Variants in SCUBE3 observed in about 807,000 individuals in gnomAD.
The protein encoded by SCUBE3 is signal peptide, CUB domain and EGF like domain containing 3.
Under a neutral mutation model 116.8 loss-of-function variants are expected in SCUBE3, and 33 were observed. The observed-to-expected ratio is 0.28, with a 90% confidence interval of 0.21 to 0.38. The LOEUF (loss-of-function observed/expected upper bound fraction) is 0.38, where lower values mean the gene tolerates loss of function less well. Ranked by LOEUF, SCUBE3 falls within the 10% of genes least tolerant of loss-of-function variation. The pLI is 1.00. For synonymous variants in SCUBE3, 418 were observed against 496.9 expected, an observed-to-expected ratio of 0.84 and a Z score of 2.11; for missense variants, 1,007 against 1,324.8, an observed-to-expected ratio of 0.76 and a Z score of 3.72.
In SCUBE3 at chr6:35,239,325, C is replaced by T. The variant is rs958285440; in HGVS notation, c.830-427C>T. Among the ~76,000 whole-genome samples, 1 of 152,166 alleles carries T rather than the reference C, an allele frequency of 6.6e-6. No individual in the cohort carries two copies. The highest frequency in any genetic ancestry group is 2.4e-5 in the African/African-American group (1 of 41,436). On this transcript the variant is annotated intron_variant, in intron 7 of 21. Transcript: ENST00000274938. The surrounding 1 kb of genome is among the most constrained non-coding windows in gnomAD (Gnocchi z 4.1). ...CCACCTCTCCTTGCCCCGCACCCCCCCAACCCCCCGTCCTGAGGGACAGGA... is the reference window on the plus strand; with the variant it reads ...CCACCTCTCCTTGCCCCGCACCCCCTCAACCCCCCGTCCTGAGGGACAGGA...
At position 35,233,174 on chromosome 6, in the gene SCUBE3, T is replaced by G. The variant is rs1783619709; in HGVS notation, c.596-11T>G. Reference sequence around the variant, plus strand: ...AGCAAGCTGACAGGGCCCTGTCCTCTCTGTGCACAGTGACATGCAACTATG... The same window carrying G: ...AGCAAGCTGACAGGGCCCTGTCCTCGCTGTGCACAGTGACATGCAACTATG... On this transcript the variant is annotated splice_polypyrimidine_tract_variant and intron_variant, in intron 5 of 21. Coordinates refer to ENST00000274938, the MANE Select transcript of SCUBE3 (RefSeq NM_152753.4). This position sits in a 1 kb window ranked among gnomAD's most constrained non-coding sequence, Gnocchi z 5.7. 8 of 1,597,044 alleles carry G rather than the reference T, an allele frequency of 5.0e-6. No homozygotes were observed. The highest frequency in any genetic ancestry group is 6.9e-6 in the Non-Finnish European group (8 of 1,164,696).
chr6:35,231,628 T>G lies in SCUBE3; in HGVS notation c.335-97T>G. The G allele has an allele frequency of 9.6e-7, 1 of 1,042,762 alleles. No individual in the cohort carries two copies. Among genetic ancestry groups the G allele is most frequent in the Non-Finnish European group, 1.4e-6 (1 of 737,976 alleles). 64.6% of individuals were successfully genotyped at this position (1,042,762 alleles called of 1,614,324 possible). The stretch of plus-strand genomic sequence containing the variant: ...CTGGCTTAAGGCTGGGCTTAGGGGG[T>G]AGTAGTTCTTAAGACTGCCTTTGGT... On this transcript the variant is annotated intron_variant, in intron 3 of 21. Coordinates refer to ENST00000274938, the MANE Select transcript of SCUBE3 (RefSeq NM_152753.4). The surrounding 1 kb of genome is among the most constrained non-coding windows in gnomAD (Gnocchi z 4.2).
intron 1 of SCUBE3, among the ~76,000 whole-genome samples, chr6:35,215,941 G>A (rs1782873444): frequency 6.6e-6 from 1 of 152,198 alleles, no homozygotes; most frequent in African/African-American, 2.4e-5. Context: ...GTGGATTTGT[G>A]TTTTCATAAA....
In SCUBE3 at chr6:35,219,168, T is replaced by C. The variant is rs148849879; in HGVS notation, c.85+4665T>C. 2.4e-3 allele frequency among the ~76,000 whole-genome samples: 366 copies of C among 152,336 alleles called. 4 individuals carry two copies. Among genetic ancestry groups the C allele is most frequent in the African/African-American group, 8.3e-3 (345 of 41,574 alleles). The stretch of plus-strand genomic sequence containing the variant: ...GGAACCCCAAGTAGCTGATAGTTCT[T>C]ACTGTGTCCATGAAGTGGGTATTTA... On this transcript the variant is annotated intron_variant, in intron 1 of 21. Transcript: ENST00000274938. This position sits in a 1 kb window ranked among gnomAD's most constrained non-coding sequence, Gnocchi z 4.7.
chr6:35,248,978 A>T lies in SCUBE3; in HGVS notation c.*273A>T. On this transcript the variant is annotated 3_prime_UTR_variant, in exon 22 of 22. Transcript: ENST00000274938. Reference sequence around the variant, plus strand: ...TCTAGTCCCCGTGAGATGTAAAGAAACAGTACAGCCCCTTCCACTGCCCAT... The same window carrying T: ...TCTAGTCCCCGTGAGATGTAAAGAATCAGTACAGCCCCTTCCACTGCCCAT... The T allele has an allele frequency of 6.7e-6, 3 of 445,552 alleles. No homozygotes were observed. Among genetic ancestry groups the T allele is most frequent in the Non-Finnish European group, 8.0e-6 (2 of 248,508 alleles). 27.6% of individuals were successfully genotyped at this position (445,552 alleles called of 1,614,324 possible).
rs1784324749 is a variant in SCUBE3 at position 35,246,080 on chromosome 6, CTA to C, written c.2738_2739del (p.Tyr913CysfsTer4). Reference protein sequence around the residue: ...ANSARGFQIPYVTYDEDYEQL... With the variant: ...ANSARGFQIPXVTYDEDYEQL... The stretch of plus-strand genomic sequence containing the variant: ...ACAGCGCCCGTGGCTTCCAGATTCC[CTA>C]TGTTACCTATGATGGTAAGCCAAGG... On this transcript the variant is annotated frameshift_variant, in exon 20 of 22. Coordinates refer to ENST00000274938, the MANE Select transcript of SCUBE3 (RefSeq NM_152753.4). LOFTEE classifies it high-confidence loss of function. 1 of 1,613,992 alleles carries C rather than the reference CTA, an allele frequency of 6.2e-7. No individual in the cohort carries two copies. Among genetic ancestry groups the C allele is most frequent in the African/African-American group, 1.3e-5 (1 of 74,876 alleles).
chr6:35,241,808 T>G lies in SCUBE3; in HGVS notation c.1315T>G (p.Ser439Ala), dbSNP rs765194881. 1 of 1,612,490 alleles carries G rather than the reference T, an allele frequency of 6.2e-7. No homozygotes were observed. The highest frequency in any genetic ancestry group is 8.5e-7 in the Non-Finnish European group (1 of 1,178,898). Reference sequence around the variant, plus strand: ...CTGTGACAGGCTCCTTTTCTCAGAGTCTGAGAATGGCTTCACGGTGAGCTG... The same window carrying G: ...CTGTGACAGGCTCCTTTTCTCAGAGGCTGAGAATGGCTTCACGGTGAGCTG... ...CPSRARFLPE[S>A]ENGFTVSCGT... The change falls in exon 12 of 22, where the codon TCT (serine) becomes GCT (alanine). Residue 439 changes from serine (S) to alanine (A), a missense_variant and splice_region_variant. Physicochemically the swap from Ser to Ala is moderately conservative, Grantham distance 99. Around this residue, in one of 5 missense-constraint regions of SCUBE3, gnomAD observed 544 missense variants for 638.9 expected, o/e 0.85. Transcript: ENST00000274938. The surrounding 1 kb of genome is among the most constrained non-coding windows in gnomAD (Gnocchi z 4.1).
chr6:35,235,592 C>T lies in SCUBE3; in HGVS notation c.712+2291C>T. On this transcript the variant is annotated intron_variant, in intron 6 of 21. Transcript: ENST00000274938. This position sits in a 1 kb window ranked among gnomAD's most constrained non-coding sequence, Gnocchi z 4.5. ...TAACTGCATGCCCACTGGGCCCAGC[C>T]TGACTGGGCCCCAACTTGCCAGCAG... 1.7e-6 allele frequency: 1 copy of T among 604,658 alleles called. No homozygotes were observed. Among genetic ancestry groups the T allele is most frequent in the Non-Finnish European group, 2.7e-6 (1 of 373,540 alleles). 37.5% of individuals were successfully genotyped at this position (604,658 alleles called of 1,614,324 possible).
At chr6:35,227,412 T>C (rs1783372151) in intron 1 of SCUBE3, among the ~76,000 whole-genome samples, 168 bp from the exon 2 acceptor site, 1 of 152,188 alleles carries the variant, frequency 6.6e-6, no homozygotes, top group Non-Finnish European at 1.5e-5. Flanking sequence ...CCAAAATCAG[T>C]GTCTGCCTAC....
intron 21 of SCUBE3, among the ~76,000 whole-genome samples, chr6:35,247,005 G>A (rs757735954): frequency 4.0e-5 from 6 of 151,726 alleles, no homozygotes; most frequent in Non-Finnish European, 2.9e-5. Flanking sequence ...AAAAAGCAGC[G>A]GCAGATCTAG....
Position 35,249,591 on chromosome 6 carries a change from C to T in SCUBE3, c.*886C>T, listed in dbSNP as rs1324083441. The T allele has an allele frequency of 6.6e-6, 1 of 152,400 alleles. No homozygotes were observed. Among genetic ancestry groups the T allele is most frequent in the Non-Finnish European group, 1.5e-5 (1 of 68,160 alleles). 9.4% of individuals were successfully genotyped at this position (152,400 alleles called of 1,614,324 possible). A position where few individuals can be genotyped will look rare whatever the true frequency, so the allele number is the denominator to read the frequency against. On this transcript the variant is annotated 3_prime_UTR_variant, in exon 22 of 22. Transcript: ENST00000274938. ...AACACTAATCCCTTTTCTTGTCTTCCCTGGCCCAGCCACCTCCTCAGCCCC... is the reference window on the plus strand; with the variant it reads ...AACACTAATCCCTTTTCTTGTCTTCTCTGGCCCAGCCACCTCCTCAGCCCC...
rs1207874120 is a variant in SCUBE3, at chr6:35,231,733, G to C, written c.343G>C (p.Glu115Gln). The C allele has an allele frequency of 6.2e-7, 1 of 1,611,476 alleles. No homozygotes were observed. Among genetic ancestry groups the C allele is most frequent in the Admixed American group, 1.7e-5 (1 of 59,960 alleles). The change falls in exon 4 of 22, where the codon GAG becomes CAG. Residue 115 changes from glutamate (E) to glutamine (Q), a missense_variant. This residue lies in a region of SCUBE3 where 37 missense variants were observed against 80.6 expected (regional missense o/e 0.46). Transcript: ENST00000274938. This position sits in a 1 kb window ranked among gnomAD's most constrained non-coding sequence, Gnocchi z 4.2. ...CTACCTATCCTGCACAGATGTGGACGAGTGTGCCGAGGGCAACGGCGGCTG... is the reference window on the plus strand; with the variant it reads ...CTACCTATCCTGCACAGATGTGGACCAGTGTGCCGAGGGCAACGGCGGCTG... ...HDGHNCLDVDECAEGNGGCQQ... is the reference protein window; with the variant it reads ...HDGHNCLDVDQCAEGNGGCQQ...
chr6:35,245,514 T>C lies in SCUBE3; in HGVS notation c.2599+89T>C. On this transcript the variant is annotated intron_variant, in intron 19 of 21. Coordinates refer to ENST00000274938, the MANE Select transcript of SCUBE3 (RefSeq NM_152753.4). This position sits in a 1 kb window ranked among gnomAD's most constrained non-coding sequence, Gnocchi z 4.2. Reference sequence around the variant, plus strand: ...AGAGAGAGACTGATACAGGAAGAAATGGGGCAGTGAAGTTAGGGATCTATG... The same window carrying C: ...AGAGAGAGACTGATACAGGAAGAAACGGGGCAGTGAAGTTAGGGATCTATG... 1 of 1,116,564 alleles carries C rather than the reference T, an allele frequency of 9.0e-7. No homozygotes were observed. Among genetic ancestry groups the C allele is most frequent in the Non-Finnish European group, 1.4e-6 (1 of 738,992 alleles). The allele number at this position is 1,116,564 out of a possible 1,614,324, so 69.2% of individuals were successfully genotyped here.
In SCUBE3 at chr6:35,244,803, A is replaced by C; in HGVS notation, c.2393A>C (p.Gln798Pro). 1.2e-6 allele frequency: 2 copies of C among 1,614,180 alleles called. No individual in the cohort carries two copies. The highest frequency in any genetic ancestry group is 1.7e-6 in the Non-Finnish European group (2 of 1,180,006). Reference protein sequence around the residue: ...TDFDGSTSVAQCKNRQCGGEL... With the variant: ...TDFDGSTSVAPCKNRQCGGEL... ...TTTGATGGCTCTACCAGTGTGGCCC[A>C]ATGCAAGAGTACGTGGCAAGCCAGG... Residue 798 changes from glutamine (Q) to proline (P), a missense_variant, in exon 18 of 22, where the codon CAA (glutamine) becomes CCA (proline). Transcript: ENST00000274938. This position sits in a 1 kb window ranked among gnomAD's most constrained non-coding sequence, Gnocchi z 4.3.
rs1468219215 is a variant in SCUBE3, at chr6:35,217,761, C to T, written c.85+3258C>T. ...TGGGCAGCCGGCTATTGCCTGTGCC[C>T]TGTCCAGGCCACACTGGAGAGAGGG... is the stretch of plus-strand genomic sequence containing the variant. On this transcript the variant is annotated intron_variant, in intron 1 of 21. Coordinates refer to ENST00000274938, the MANE Select transcript of SCUBE3 (RefSeq NM_152753.4). Among the ~76,000 whole-genome samples the T allele has an allele frequency of 3.9e-5, 6 of 152,298 alleles. No individual in the cohort carries two copies. The East Asian group carries it at 1.2e-3, about 30-fold the overall frequency.
In SCUBE3 at chr6:35,252,626, A is replaced by G. The variant is rs1784592620; in HGVS notation, c.*3921A>G. 6.6e-6 allele frequency: 1 copy of G among 152,248 alleles called. No homozygotes were observed. The highest frequency in any genetic ancestry group is 1.5e-5 in the Non-Finnish European group (1 of 68,040). The allele number at this position is 152,248 out of a possible 1,614,324, so 9.4% of individuals were successfully genotyped here. A position where few individuals can be genotyped will look rare whatever the true frequency, so the allele number is the denominator to read the frequency against. ...CTTTCTTAAGCACAATAAAAGTGGG[A>G]GCGAACAACACAAGGATATTTTTAC... On this transcript the variant is annotated 3_prime_UTR_variant, in exon 22 of 22. Transcript: ENST00000274938.
Position 35,239,835 on chromosome 6 carries a change from A to G in SCUBE3, c.913A>G (p.Lys305Glu). The change falls in exon 8 of 22, where the codon AAA becomes GAA. Residue 305 changes from lysine to glutamate, a missense_variant. By Grantham distance (56) the Lys-to-Glu change is moderately conservative (BLOSUM62 1). Transcript: ENST00000274938. This position sits in a 1 kb window ranked among gnomAD's most constrained non-coding sequence, Gnocchi z 4.1. ...GGGCAGCTTCGAATGCAGTTGCAAG[A>G]AAGGCTATAAGCTTCTCATCAATGA... is the stretch of plus-strand genomic sequence containing the variant. Reference protein sequence around the residue: ...TVGSFECSCKKGYKLLINERN... With the variant: ...TVGSFECSCKEGYKLLINERN... 6.2e-7 allele frequency: 1 copy of G among 1,612,274 alleles called. No homozygotes were observed. The highest frequency in any genetic ancestry group is 8.5e-7 in the Non-Finnish European group (1 of 1,179,400).
chr6:35,242,741 C>T lies in SCUBE3; in HGVS notation c.1654C>T (p.Leu552=). Residue 552 remains leucine (L), a synonymous_variant, in exon 14 of 22, where the codon CTG becomes TTG. Coordinates refer to ENST00000274938, the MANE Select transcript of SCUBE3 (RefSeq NM_152753.4). The part of the protein sequence containing the change: ...PPGKEVTRLT[L]ELEAEVRAEE... ...AGGCAAAGAGGTCACAAGGCTCACC[C>T]TGGAACTGGAGGCAGAGGTCAGAGC... 6.2e-7 allele frequency: 1 copy of T among 1,614,094 alleles called. No individual in the cohort carries two copies. The highest frequency in any genetic ancestry group is 8.5e-7 in the Non-Finnish European group (1 of 1,179,924).
In SCUBE3 at chr6:35,214,641, C is replaced by T. The variant is rs965388792; in HGVS notation, c.85+138C>T. 4.1e-6 allele frequency: 2 copies of T among 487,414 alleles called. No homozygotes were observed. The highest frequency in any genetic ancestry group is 6.6e-6 in the Non-Finnish European group (2 of 304,088). 30.2% of individuals were successfully genotyped at this position (487,414 alleles called of 1,614,324 possible). On this transcript the variant is annotated intron_variant, in intron 1 of 21. Transcript: ENST00000274938. This position sits in a 1 kb window ranked among gnomAD's most constrained non-coding sequence, Gnocchi z 6.3. ...CCCGGCTCTGTGCACCCGGACTCCC[C>T]GGCCAGGGGCCCGACCGCTGGGCGC... is the stretch of plus-strand genomic sequence containing the variant.
Sources: allele counts gnomAD v4.1 joint callset (sites outside exome capture counted in the v4.1 genomes callset), GRCh38; gene constraint gnomAD v4.1.1; regional missense constraint gnomAD v4.1.1; non-coding constraint Gnocchi (gnomAD v3.1); transcripts MANE v1.5; gene names NCBI Gene and HGNC (gene_info 2026-07-23, HGNC 2026-07-21).